The following CTNNA1 variants were observed in gnomAD, a reference collection of about 807,000 sequenced individuals.
CTNNA1 encodes the protein catenin alpha-1.
Under a neutral mutation model 98.4 loss-of-function variants are expected in CTNNA1, and 37 were observed. The ratio of observed to expected loss-of-function variants is 0.38; its 90% CI spans 0.29 to 0.49. CTNNA1 has a LOEUF of 0.49. Among genes scored for constraint, CTNNA1 ranks in the 20% least tolerant of loss-of-function variants. The probability of loss-of-function intolerance (pLI) is 0.95; values close to 1 mark genes in which losing one functional copy is unlikely to be tolerated. For missense variants in CTNNA1, 761 were observed against 1,147.2 expected, an observed-to-expected ratio of 0.66 and a Z score of 4.86; for synonymous variants, 404 against 413.2, an observed-to-expected ratio of 0.98 and a Z score of 0.27.
At chr5:138,898,160 C>T (rs1403475951) in intron 9 of CTNNA1, among the ~76,000 whole-genome samples, 2 of 134,382 alleles carry the variant, frequency 1.5e-5, no homozygotes, top group Non-Finnish European at 3.2e-5. Flanking sequence ...CCTCCCCCAC[C>T]CCCCCCCACC....
intron 3 of CTNNA1, among the ~76,000 whole-genome samples, chr5:138,792,216 A>G (rs766152654): frequency 1.7e-4 from 26 of 152,228 alleles, no homozygotes; most frequent in Non-Finnish European, 1.0e-4. Context: ...GTATGTGTAT[A>G]TATACATAGT....
chr5:138,856,743 T>G (rs929267894), intron 7 of CTNNA1, among the ~76,000 whole-genome samples: 1 of 152,220 alleles, frequency 6.6e-6, no homozygotes, highest in Non-Finnish European at 1.5e-5. Context: ...TGGATTTTAC[T>G]AGGGTAAATT....
intron 7 of CTNNA1, among the ~76,000 whole-genome samples, chr5:138,837,009 C>T (rs1263842439): frequency 2.0e-5 from 3 of 152,044 alleles, no homozygotes; most frequent in African/African-American, 2.4e-5. Flanking sequence ...AATCATACAC[C>T]GTGTTCATTT....
At chr5:138,912,640 C>T (rs1158092523) in intron 10 of CTNNA1, among the ~76,000 whole-genome samples, 1 of 152,196 alleles carries the variant, frequency 6.6e-6, no homozygotes, top group African/African-American at 2.4e-5. Flanking sequence ...CCTTATGTCA[C>T]ACTGTACTGG....
intron 4 of CTNNA1, among the ~76,000 whole-genome samples, chr5:138,810,880 C>T (rs1394604881): frequency 1.3e-5 from 2 of 151,456 alleles, no homozygotes; most frequent in Non-Finnish European, 3.0e-5. Context: ...GGCAGAGGCG[C>T]CCCTCACCTC....
At chr5:138,915,236 G>A (rs1000583632) in intron 10 of CTNNA1, among the ~76,000 whole-genome samples, 3 of 152,094 alleles carry the variant, frequency 2.0e-5, no homozygotes, top group East Asian at 1.9e-4. Context: ...TCCTCTCAGC[G>A]CATTTTCATA....
intron 9 of CTNNA1, among the ~76,000 whole-genome samples, chr5:138,902,526 T>C (rs990409248): frequency 3.3e-5 from 5 of 152,194 alleles, no homozygotes; most frequent in African/African-American, 1.2e-4. Flanking sequence ...TTCACGCCAT[T>C]CTCCTGCCTC....
chr5:138,758,153 T>C (rs1751899772), intron 1 of CTNNA1, among the ~76,000 whole-genome samples: 1 of 151,632 alleles, frequency 6.6e-6, no homozygotes, highest in Admixed American at 6.6e-5. Context: ...ATTACAGGCA[T>C]GTGCCACCAC....
At chr5:138,779,166 A>G (rs1302996499) in intron 1 of CTNNA1, among the ~76,000 whole-genome samples, 2 of 152,126 alleles carry the variant, frequency 1.3e-5, no homozygotes, top group East Asian at 3.9e-4. Flanking sequence ...AGCATGAACC[A>G]CCATGCCTGG....
chr5:138,905,689 G>A lies in CTNNA1; in HGVS notation c.1389+1248G>A, dbSNP rs1053201282. Reference sequence around the variant, plus strand: ...AAGACTCTGAAGCACACATGACAGCGAATGCTTTTTAAGTGCCCAGTGTGT... The same window carrying A: ...AAGACTCTGAAGCACACATGACAGCAAATGCTTTTTAAGTGCCCAGTGTGT... On this transcript the variant is annotated intron_variant, in intron 10 of 17. Coordinates refer to ENST00000302763, the MANE Select transcript of CTNNA1 (RefSeq NM_001903.5). Among the ~76,000 whole-genome samples the A allele has an allele frequency of 1.2e-4, 19 of 152,318 alleles. No individual in the cohort carries two copies. The East Asian group carries it at 1.3e-3, about 11-fold the overall frequency.
chr5:138,775,525 GATGACAGTATA>G (rs113585746), intron 1 of CTNNA1, among the ~76,000 whole-genome samples: 13 of 152,158 alleles, frequency 8.5e-5, no homozygotes, highest in East Asian at 7.7e-4. Flanking sequence ...TTCTAGATTT[GATGACAGTATA>G]ATGACAGTAT....
intron 7 of CTNNA1, among the ~76,000 whole-genome samples, chr5:138,883,535 T>G (rs997893378): frequency 6.6e-6 from 1 of 152,246 alleles, no homozygotes; most frequent in Non-Finnish European, 1.5e-5. Context: ...TGACTGTAAT[T>G]CTTTCAAAAG....
intron 7 of CTNNA1, among the ~76,000 whole-genome samples, chr5:138,831,435 C>T (rs1228201703): frequency 6.6e-6 from 1 of 152,180 alleles, no homozygotes; most frequent in Non-Finnish European, 1.5e-5. Flanking sequence ...CTTTCTGTCC[C>T]CACTGCCATT....
chr5:138,858,020 C>A (rs1763880204), intron 7 of CTNNA1, among the ~76,000 whole-genome samples: 1 of 152,204 alleles, frequency 6.6e-6, no homozygotes, highest in Non-Finnish European at 1.5e-5. Context: ...ATTTAGCCAT[C>A]CCTGTATCCA....
intron 1 of CTNNA1, among the ~76,000 whole-genome samples, chr5:138,760,558 G>A (rs958002082): frequency 4.0e-5 from 6 of 151,656 alleles, no homozygotes; most frequent in Admixed American, 3.9e-4. Context: ...TAGAAACGGG[G>A]TTTCACCATA....
chr5:138,759,015 C>T (rs1035088071), intron 1 of CTNNA1, among the ~76,000 whole-genome samples: 3 of 152,198 alleles, frequency 2.0e-5, no homozygotes, highest in East Asian at 1.9e-4. Context: ...GTTGGTCAGG[C>T]TGGTCTTGAA....
At chr5:138,791,446 G>A (rs536836800) in intron 3 of CTNNA1, among the ~76,000 whole-genome samples, 9 of 151,534 alleles carry the variant, frequency 5.9e-5, no homozygotes, top group South Asian at 2.1e-4. Flanking sequence ...GTGAAACCCC[G>A]TCTCTACTAA....
chr5:138,892,515 T>A (rs1755681688), intron 9 of CTNNA1, among the ~76,000 whole-genome samples: 1 of 151,368 alleles, frequency 6.6e-6, no homozygotes, highest in Non-Finnish European at 1.5e-5. Context: ...TTTTTGTATT[T>A]TTAGAAGAGA....
chr5:138,882,582 C>T (rs1284904660), intron 7 of CTNNA1, among the ~76,000 whole-genome samples: 1 of 152,154 alleles, frequency 6.6e-6, no homozygotes, highest in African/African-American at 2.4e-5. Context: ...ACCTGGAAAC[C>T]TTTGCCTTTT....
Sources: allele counts gnomAD v4.1 joint callset (sites outside exome capture counted in the v4.1 genomes callset), GRCh38; gene constraint gnomAD v4.1.1; transcripts MANE v1.5; gene names NCBI Gene and HGNC (gene_info 2026-07-23, HGNC 2026-07-21).